PLEKHG7: variants seen among roughly 807,000 people sequenced by gnomAD.
PLEKHG7 encodes the protein pleckstrin homology and RhoGEF domain containing G7, also known as pleckstrin homology domain-containing family G member 7.
A neutral mutation model predicts 85.2 loss-of-function variants in PLEKHG7; 77 were observed. The ratio of observed to expected loss-of-function variants is 0.90; its 90% CI spans 0.75 to 1.09. The LOEUF (loss-of-function observed/expected upper bound fraction) is 1.09, where lower values mean the gene tolerates loss of function less well. Ranked by LOEUF, PLEKHG7 falls within the 50% of genes least tolerant of loss-of-function variation. The pLI, the probability that PLEKHG7 is intolerant of heterozygous loss-of-function variation, is 0.00. For synonymous variants in PLEKHG7, 301 were observed against 302.4 expected (o/e 1.00, Z 0.05); for missense variants, 777 against 804.3 (o/e 0.97, Z 0.41).
At chr12:92,711,021 A>G (rs916012125) in intron 3 of PLEKHG7, among the ~76,000 whole-genome samples, 2 of 152,128 alleles carry the variant, frequency 1.3e-5, no homozygotes, top group African/African-American at 2.4e-5. Context: ...CAATTTTCCA[A>G]TCATACTTCT....
intron 3 of PLEKHG7, among the ~76,000 whole-genome samples, chr12:92,724,655 G>C (rs1332894072): frequency 6.6e-6 from 1 of 152,186 alleles, no homozygotes; most frequent in Non-Finnish European, 1.5e-5. Flanking sequence ...TATATGTTCA[G>C]GTTTCAAGAT....
intron 3 of PLEKHG7, among the ~76,000 whole-genome samples, chr12:92,725,009 G>T (rs771022289): frequency 6.6e-6 from 1 of 152,010 alleles, no homozygotes; most frequent in African/African-American, 2.4e-5. Flanking sequence ...GCAGAGAAAA[G>T]GCAGGTGAAA....
chr12:92,727,979 C>CACACCACATTCCATGGTGTATATATAA lies in PLEKHG7; in HGVS notation c.531-1013_531-1012insCACCACATTCCATGGTGTATATATAAA, dbSNP rs1565789487. Among the ~76,000 whole-genome samples the CACACCACATTCCATGGTGTATATATAA allele has an allele frequency of 3.9e-4, 51 of 130,634 alleles. 5 individuals are homozygous for CACACCACATTCCATGGTGTATATATAA. Among genetic ancestry groups the CACACCACATTCCATGGTGTATATATAA allele is most frequent in the Non-Finnish European group, 4.3e-4 (26 of 60,120 alleles). 85.7% of individuals were successfully genotyped at this position (130,634 alleles called of 152,430 possible). The stretch of plus-strand genomic sequence containing the variant: ...GTGTGTGTGTATATATATATATACA[C>CACACCACATTCCATGGTGTATATATAA]ATATATACACACACCACATTCCATG... On this transcript the variant is annotated intron_variant, in intron 3 of 16. Transcript: ENST00000344636.
At position 92,741,583 on chromosome 12, in the gene PLEKHG7, G is replaced by T; in HGVS notation, c.1128G>T (p.Val376=). Residue 376 remains valine (V), a synonymous_variant, in exon 9 of 17, where the codon GTG becomes GTT. Transcript: ENST00000344636. ...EISSSLDFIS[V]LTKYFRGSLC... is the part of the protein sequence containing the mutation. ...CCTCATCACTGGATTTTATTTCCGTGCTCACAAAGGTAAACTCCTTCTGGG... is the reference window on the plus strand; with the variant it reads ...CCTCATCACTGGATTTTATTTCCGTTCTCACAAAGGTAAACTCCTTCTGGG... 1 of 1,611,978 alleles carries T rather than the reference G, an allele frequency of 6.2e-7. No individual in the cohort carries two copies. The highest frequency in any genetic ancestry group is 8.5e-7 in the Non-Finnish European group (1 of 1,178,696).
rs756934507 is a variant in PLEKHG7 at position 92,707,025 on chromosome 12, T to C, written c.394T>C (p.Tyr132His). The C allele has an allele frequency of 1.9e-5, 31 of 1,613,678 alleles. No homozygotes were observed. Among genetic ancestry groups the C allele is most frequent in the Non-Finnish European group, 2.3e-5 (27 of 1,179,972 alleles). ...LEPQTRPTDK[Y>H]LPPELQPVNE... ...GCCCCAAACCCGGCCCACTGACAAGTATCTCCCTCCTGAGCTTCAGCCTGT... is the reference window on the plus strand; with the variant it reads ...GCCCCAAACCCGGCCCACTGACAAGCATCTCCCTCCTGAGCTTCAGCCTGT... Residue 132 changes from tyrosine to histidine, a missense_variant, in exon 2 of 17, where the codon TAT becomes CAT. Transcript: ENST00000344636.
At chr12:92,739,976 C>T (rs1466157773) in intron 7 of PLEKHG7, among the ~76,000 whole-genome samples, 1 of 152,124 alleles carries the variant, frequency 6.6e-6, no homozygotes, top group Non-Finnish European at 1.5e-5. Context: ...TCTCAGACCC[C>T]GTCACAGATG....
intron 5 of PLEKHG7, among the ~76,000 whole-genome samples, chr12:92,733,128 A>G (rs989935120): frequency 4.6e-5 from 7 of 152,182 alleles, no homozygotes; most frequent in Non-Finnish European, 8.8e-5. Flanking sequence ...TCGCTAAATA[A>G]AAAGCCCTCT....
intron 3 of PLEKHG7, among the ~76,000 whole-genome samples, chr12:92,710,037 G>A (rs1164563917): frequency 1.3e-5 from 2 of 152,122 alleles, no homozygotes; most frequent in African/African-American, 4.8e-5. Flanking sequence ...TGGTGGCAGT[G>A]TTCCTCCCTC....
intron 15 of PLEKHG7, among the ~76,000 whole-genome samples, chr12:92,765,497 C>T (rs1018666338): frequency 1.3e-5 from 2 of 151,868 alleles, no homozygotes; most frequent in Non-Finnish European, 2.9e-5. Flanking sequence ...GGCATGGTGG[C>T]GCACACCTGT....
Position 92,736,562 on chromosome 12 carries a change from C to A in PLEKHG7, c.780C>A (p.Asp260Glu). Residue 260 changes from aspartate to glutamate, a missense_variant, in exon 6 of 17, where the codon GAC becomes GAA. This residue lies in a region of PLEKHG7 where 520 missense variants were observed against 544.0 expected (regional missense o/e 0.96). Coordinates refer to ENST00000344636, the MANE Select transcript of PLEKHG7 (RefSeq NM_001377329.1). ...SVKITSFRGY[D>E]FYGLKDKTWD... ...AAATTACCAGCTTCAGGGGCTATGA[C>A]TTCTACGGTCTTAAGGTATCTTTCA... 1 of 1,227,916 alleles carries A rather than the reference C, an allele frequency of 8.1e-7. No individual in the cohort carries two copies. The highest frequency in any genetic ancestry group is 1.0e-6 in the Non-Finnish European group (1 of 984,170). 76.1% of individuals were successfully genotyped at this position (1,227,916 alleles called of 1,614,324 possible).
rs1872193317 is a variant in PLEKHG7, at chr12:92,737,504, T to G, written c.922T>G (p.Leu308Val). The G allele has an allele frequency of 1.2e-6, 2 of 1,605,896 alleles. No individual in the cohort carries two copies. Among genetic ancestry groups the G allele is most frequent in the Non-Finnish European group, 1.7e-6 (2 of 1,178,142 alleles). The change falls in exon 7 of 17, where the codon TTA becomes GTA. Residue 308 changes from leucine to valine, a missense_variant. By Grantham distance (32) the Leu-to-Val change is conservative (BLOSUM62 1). Coordinates refer to ENST00000344636, the MANE Select transcript of PLEKHG7 (RefSeq NM_001377329.1). Reference protein sequence around the residue: ...TSECTYFLDHLLVLKMIFMNT... With the variant: ...TSECTYFLDHVLVLKMIFMNT... The stretch of plus-strand genomic sequence containing the variant: ...TGAATGCACCTATTTTTTGGACCAT[T>G]TATTAGTTCTTAAGATGGTAATGCC...
At chr12:92,745,360 C>A (rs890726156) in intron 9 of PLEKHG7, 118 bp from the exon 10 acceptor site, 2 of 654,780 alleles carry the variant, frequency 3.1e-6, no homozygotes, top group South Asian at 3.9e-5. Context: ...TTGATCATGG[C>A]GACTCCTCCA....
Position 92,706,717 on chromosome 12 carries a change from A to G in PLEKHG7, c.86A>G (p.Lys29Arg), listed in dbSNP as rs75614454. ...CGGCCCTCGCTGAGGAGCCTGCCAA[A>G]GAACCAGGGGAGTCTCCTCCAGTTT... ...SPRPSLRSLP[K>R]NQGSLLQFDR... is the part of the protein sequence containing the mutation. Residue 29 changes from lysine (K) to arginine (R), a missense_variant, in exon 2 of 17, where the codon AAG (lysine) becomes AGG (arginine). This residue lies in a region of PLEKHG7 where 252 missense variants were observed against 241.9 expected (regional missense o/e 1.04). Coordinates refer to ENST00000344636, the MANE Select transcript of PLEKHG7 (RefSeq NM_001377329.1). The G allele has an allele frequency of 2.6e-3, 4,120 of 1,614,092 alleles. 85 individuals are homozygous for G. The African/African-American group carries it at 0.049, about 19-fold the overall frequency.
intron 15 of PLEKHG7, among the ~76,000 whole-genome samples, chr12:92,764,789 A>T (rs1298171461): frequency 6.6e-6 from 1 of 152,130 alleles, no homozygotes; most frequent in Non-Finnish European, 1.5e-5. Context: ...GGCCCTACAG[A>T]TACAAAGATG....
intron 3 of PLEKHG7, among the ~76,000 whole-genome samples, chr12:92,710,912 C>T (rs1372318215): frequency 6.6e-6 from 1 of 152,190 alleles, no homozygotes; most frequent in African/African-American, 2.4e-5. Flanking sequence ...GCTGAGGTCA[C>T]CCATTCATGA....
At chr12:92,739,182 A>T (rs1299094934) in intron 7 of PLEKHG7, among the ~76,000 whole-genome samples, 3 of 152,240 alleles carry the variant, frequency 2.0e-5, no homozygotes, top group Non-Finnish European at 1.5e-5. Flanking sequence ...AGAGAGAGAG[A>T]GAGATCTTCT....
rs775980136 is a variant in PLEKHG7, at chr12:92,745,501, G to A, written c.1161G>A (p.Gln387=). The A allele has an allele frequency of 1.9e-6, 3 of 1,613,656 alleles. No individual in the cohort carries two copies. The highest frequency in any genetic ancestry group is 1.7e-5 in the Admixed American group (1 of 60,016). Residue 387 remains glutamine (Q), a synonymous_variant, in exon 10 of 17, where the codon CAG becomes CAA. Coordinates refer to ENST00000344636, the MANE Select transcript of PLEKHG7 (RefSeq NM_001377329.1). ...AGTATTTCCGAGGGAGTCTCTGTCA[G>A]AGCCACCAGACCTACTGCCTGAACT... ...LTKYFRGSLC[Q]SHQTYCLNYS... is the part of the protein sequence containing the mutation.
intron 15 of PLEKHG7, among the ~76,000 whole-genome samples, chr12:92,767,195 A>C (rs1873227707): frequency 6.6e-6 from 1 of 152,230 alleles, no homozygotes; most frequent in Non-Finnish European, 1.5e-5. Context: ...TGCTTTTAAA[A>C]TTGTGTCAGT....
intron 1 of PLEKHG7, 29 bp from the exon 2 acceptor site, chr12:92,706,442 A>C: frequency 1.6e-6 from 1 of 624,926 alleles, no homozygotes; most frequent in Non-Finnish European, 2.6e-6. Flanking sequence ...TTTGCTACAT[A>C]TTTCACAGTC....
Sources: allele counts gnomAD v4.1 joint callset (sites outside exome capture counted in the v4.1 genomes callset), GRCh38; gene constraint gnomAD v4.1.1; regional missense constraint gnomAD v4.1.1; transcripts MANE v1.5; gene names NCBI Gene and HGNC (gene_info 2026-07-23, HGNC 2026-07-21).